The following SEC24D variants were observed in gnomAD, a reference collection of about 807,000 sequenced individuals.
The protein encoded by SEC24D is protein transport protein Sec24D.
In SEC24D, 69 loss-of-function variants were observed where a neutral mutation model predicts 116.9. The observed-to-expected ratio is 0.59, with a 90% confidence interval of 0.49 to 0.72. The LOEUF (loss-of-function observed/expected upper bound fraction) is 0.72, where lower values mean the gene tolerates loss of function less well. Ranked by LOEUF, SEC24D falls within the 30% of genes least tolerant of loss-of-function variation. The pLI is 0.00. For synonymous variants in SEC24D, 405 were observed against 442.8 expected, an observed-to-expected ratio of 0.91 and a Z score of 1.07; for missense variants, 1,131 against 1,264.1, an observed-to-expected ratio of 0.89 and a Z score of 1.60.
In SEC24D at chr4:118,816,243, A is replaced by T. The variant is rs181819466; in HGVS notation, c.398-517T>A. On this transcript the variant is annotated intron_variant, in intron 4 of 22. Transcript: ENST00000280551. ...CATGCCTGGCCTGGAAAATTTTTAAAAGGTAAAAGCAACATTTATAATTTA... is the reference window on the plus strand; with the variant it reads ...CATGCCTGGCCTGGAAAATTTTTAATAGGTAAAAGCAACATTTATAATTTA... 1.8e-3 allele frequency among the ~76,000 whole-genome samples: 279 copies of T among 152,154 alleles called. 3 individuals are homozygous for T. The highest frequency in any genetic ancestry group is 9.0e-4 in the Non-Finnish European group (61 of 68,004).
chr4:118,747,684 C>T (rs1726610369), intron 13 of SEC24D, among the ~76,000 whole-genome samples: 1 of 152,140 alleles, frequency 6.6e-6, no homozygotes. Context: ...CACCCAATTC[C>T]CCTAAGGCAT....
intron 13 of SEC24D, among the ~76,000 whole-genome samples, chr4:118,747,636 A>G (rs1403064537): frequency 1.3e-5 from 2 of 152,182 alleles, no homozygotes; most frequent in Non-Finnish European, 2.9e-5. Flanking sequence ...AAGCTTTAAA[A>G]AAAAGTCTAC....
intron 8 of SEC24D, among the ~76,000 whole-genome samples, chr4:118,792,525 A>C (rs990446913): frequency 5.9e-5 from 9 of 152,044 alleles, no homozygotes; most frequent in African/African-American, 1.9e-4. Context: ...GACATAGGAG[A>C]CTCCATTTTG....
chr4:118,750,969 T>C (rs1177496752), intron 13 of SEC24D, among the ~76,000 whole-genome samples: 1 of 152,152 alleles, frequency 6.6e-6, no homozygotes, highest in Non-Finnish European at 1.5e-5. Context: ...CATTTAGATA[T>C]AAAATTATGT....
At chr4:118,776,955 G>C (rs560136655) in intron 8 of SEC24D, among the ~76,000 whole-genome samples, 4 of 152,112 alleles carry the variant, frequency 2.6e-5, no homozygotes, top group Admixed American at 2.0e-4. Context: ...AGATAAAAAG[G>C]GTTAAAAATA....
intron 6 of SEC24D, among the ~76,000 whole-genome samples, chr4:118,812,069 C>A (rs1560740142): frequency 6.6e-6 from 1 of 152,098 alleles, no homozygotes; most frequent in Non-Finnish European, 1.5e-5. Flanking sequence ...CTTCAAAAGG[C>A]CACGTACACT....
chr4:118,831,181 C>T (rs1382435499), intron 2 of SEC24D, among the ~76,000 whole-genome samples: 1 of 152,022 alleles, frequency 6.6e-6, no homozygotes, highest in African/African-American at 2.4e-5. Context: ...GCCACCATGC[C>T]CAGCTAATTT....
chr4:118,775,758 A>G (rs924104806), intron 8 of SEC24D, among the ~76,000 whole-genome samples: 3 of 152,206 alleles, frequency 2.0e-5, no homozygotes, highest in Non-Finnish European at 2.9e-5. Context: ...GGAAAATAGT[A>G]CATGTGTTAT....
intron 8 of SEC24D, among the ~76,000 whole-genome samples, chr4:118,784,116 T>C (rs1342991551): frequency 1.3e-5 from 2 of 152,214 alleles, no homozygotes; most frequent in Non-Finnish European, 2.9e-5. Context: ...CAGCAAATCA[T>C]CTTTGGTGAG....
rs759005413 is a variant in SEC24D at position 118,739,175 on chromosome 4, G to C, written c.2351C>G (p.Ala784Gly). 6.2e-7 allele frequency: 1 copy of C among 1,613,538 alleles called. No individual in the cohort carries two copies. Among genetic ancestry groups the C allele is most frequent in the Non-Finnish European group, 8.5e-7 (1 of 1,179,614 alleles). ...TGACTTGGCAAAGAAGTTGATAAGA[G>C]CATCTGTCTCACAGCTCTTATAAAG... ...ADLYKSCETDALINFFAKSAF... is the reference protein window; with the variant it reads ...ADLYKSCETDGLINFFAKSAF... The change falls in exon 18 of 23, where the codon GCT (alanine) becomes GGT (glycine). Residue 784 changes from alanine to glycine, a missense_variant. By Grantham distance (60) the Ala-to-Gly change is moderately conservative. Coordinates refer to ENST00000280551, the MANE Select transcript of SEC24D (RefSeq NM_014822.4).
rs759807634 is a variant in SEC24D at position 118,817,380 on chromosome 4, G to T, written c.281C>A (p.Ala94Glu). The change falls in exon 4 of 23, where the codon GCA (alanine) becomes GAA (glutamate). Residue 94 changes from alanine (A) to glutamate (E), a missense_variant. Physicochemically the swap from Ala to Glu is moderately radical, Grantham distance 107 (BLOSUM62 -1). Coordinates refer to ENST00000280551, the MANE Select transcript of SEC24D (RefSeq NM_014822.4). ...GGGTTGGTATGGTGCATGTGAGGATGCCACATTGTTGACAGGTGGAGGGCC... is the reference window on the plus strand; with the variant it reads ...GGGTTGGTATGGTGCATGTGAGGATTCCACATTGTTGACAGGTGGAGGGCC... The part of the protein sequence containing the change: ...FPGPPPVNNV[A>E]SSHAPYQPSA... 2 of 1,612,068 alleles carry T rather than the reference G, an allele frequency of 1.2e-6. No homozygotes were observed. Among genetic ancestry groups the T allele is most frequent in the Admixed American group, 3.3e-5 (2 of 59,736 alleles).
chr4:118,791,515 C>T (rs1334973060), intron 8 of SEC24D, among the ~76,000 whole-genome samples: 1 of 150,832 alleles, frequency 6.6e-6, no homozygotes, highest in Non-Finnish European at 1.5e-5. Context: ...TATAGCTCTC[C>T]CTACTCCCTA....
At chr4:118,817,181 A>G in intron 4 of SEC24D, 83 bp downstream of exon 4, 3 of 1,182,330 alleles carry the variant, frequency 2.5e-6, no homozygotes, top group Non-Finnish European at 3.6e-6. Flanking sequence ...AGTTACATCT[A>G]TTTTAAAAAT....
At chr4:118,745,159 A>G in intron 13 of SEC24D, 99 bp from the exon 14 acceptor site, 3 of 703,172 alleles carry the variant, frequency 4.3e-6, no homozygotes, top group Non-Finnish European at 5.0e-6. Flanking sequence ...TCTATGAGCT[A>G]AGCACTATAT....
rs760670617 is a variant in SEC24D at position 118,723,570 on chromosome 4, G to A, written c.3044C>T (p.Ser1015Phe). The part of the protein sequence containing the change: ...VEDKGLYGGS[S>F]YVDFLCCVHK... ...AACACAACAAAGGAAATCCACATAA[G>A]AAGAGCCTCCGTAAAGTCCTTTGTC... is the stretch of plus-strand genomic sequence containing the variant. Residue 1015 changes from serine (S) to phenylalanine (F), a missense_variant, in exon 23 of 23, where the codon TCT becomes TTT. Physicochemically the swap from Ser to Phe is radical, Grantham distance 155. Coordinates refer to ENST00000280551, the MANE Select transcript of SEC24D (RefSeq NM_014822.4). 1.2e-6 allele frequency: 2 copies of A among 1,613,776 alleles called. No individual in the cohort carries two copies. Among genetic ancestry groups the A allele is most frequent in the Non-Finnish European group, 1.7e-6 (2 of 1,179,856 alleles).
intron 11 of SEC24D, among the ~76,000 whole-genome samples, chr4:118,754,904 ATAGT>A (rs1727012276): frequency 6.6e-6 from 1 of 152,182 alleles, no homozygotes; most frequent in South Asian, 2.1e-4. Context: ...TTCTCTTTTA[ATAGT>A]TAATTTAGAA....
intron 8 of SEC24D, among the ~76,000 whole-genome samples, chr4:118,770,745 T>C (rs1487600811): frequency 6.6e-6 from 1 of 152,206 alleles, no homozygotes; most frequent in Non-Finnish European, 1.5e-5. Flanking sequence ...ACTGTGAAAT[T>C]GTCGGCAATG....
intron 13 of SEC24D, among the ~76,000 whole-genome samples, chr4:118,746,336 G>A (rs748980945): frequency 1.3e-5 from 2 of 151,882 alleles, no homozygotes; most frequent in African/African-American, 2.4e-5. Flanking sequence ...ACAGTGAGAT[G>A]AGCTGCTACC....
intron 21 of SEC24D, chr4:118,730,310 T>C (rs1048371473): frequency 6.6e-6 from 1 of 152,240 alleles, no homozygotes; most frequent in South Asian, 2.1e-4. Flanking sequence ...TAAATCTTCA[T>C]CTTAAAACCA....
Sources: allele counts gnomAD v4.1 joint callset (sites outside exome capture counted in the v4.1 genomes callset), GRCh38; gene constraint gnomAD v4.1.1; transcripts MANE v1.5; gene names NCBI Gene and HGNC (gene_info 2026-07-23, HGNC 2026-07-21).